The following PAK3 variants were observed in gnomAD, a reference collection of about 807,000 sequenced individuals.
PAK3 encodes the protein p21 (RAC1) activated kinase 3, also known as serine/threonine-protein kinase PAK 3.
A neutral mutation model predicts 41.0 loss-of-function variants in PAK3; 4 were observed. The ratio of observed to expected loss-of-function variants is 0.10; its 90% confidence interval spans 0.05 to 0.22. The LOEUF (loss-of-function observed/expected upper bound fraction) is 0.22, where lower values mean the gene tolerates loss of function less well. Among genes scored for constraint, PAK3 ranks in the 10% least tolerant of loss-of-function variants. The pLI, the probability that PAK3 is intolerant of heterozygous loss-of-function variation, is 1.00. For missense variants in PAK3, 205 were observed against 409.9 expected, an observed-to-expected ratio of 0.50 and a Z score of 4.32; for synonymous variants, 146 against 139.6, an observed-to-expected ratio of 1.05 and a Z score of -0.32.
intron 11 of PAK3, among the ~76,000 whole-genome samples, chrX:111,175,204 C>A (rs944091181): frequency 9.0e-6 from 1 of 111,502 alleles, no homozygotes; most frequent in Non-Finnish European, 1.9e-5. Flanking sequence ...TTAGAAATAG[C>A]ACTCCAAATC....
chrX:111,012,496 G>C (rs2092025516), intron 1 of PAK3, among the ~76,000 whole-genome samples: 1 of 111,724 alleles, frequency 9.0e-6, no homozygotes, highest in Non-Finnish European at 1.9e-5. Flanking sequence ...GCTCAACCTT[G>C]AGAAACAAAA....
chrX:111,009,672 AC>A (rs928127825), intron 1 of PAK3, among the ~76,000 whole-genome samples: 1 of 112,417 alleles, frequency 8.9e-6, no homozygotes, highest in Non-Finnish European at 1.9e-5. Context: ...CCACAACCTC[AC>A]AGAATCTGCT....
chrX:111,122,923 C>G (rs1282982930), intron 4 of PAK3, among the ~76,000 whole-genome samples, 154 bp from the exon 5 acceptor site: 10 of 111,430 alleles, frequency 9.0e-5, no homozygotes, highest in Non-Finnish European at 1.5e-4. Context: ...ACTTCCTTCC[C>G]TCCAGAAGAG....
intron 3 of PAK3, among the ~76,000 whole-genome samples, chrX:111,099,141 C>T (rs1603214746): frequency 8.9e-6 from 1 of 112,595 alleles, no homozygotes; most frequent in African/African-American, 3.2e-5. Context: ...ACCAAATGAA[C>T]CTCCGGGTGT....
chrX:111,225,976 A>G lies in PAK3; in HGVS notation c.*5529A>G, dbSNP rs1569478631. On this transcript the variant is annotated 3_prime_UTR_variant, in exon 18 of 18. Coordinates refer to ENST00000372007, the MANE Select transcript of PAK3 (RefSeq NM_002578.5). Reference sequence around the variant, plus strand: ...CGGATCACCTGAGGTCAGGAGTTCGAGACCAGCCTGACCAACATAGAGAAA... The same window carrying G: ...CGGATCACCTGAGGTCAGGAGTTCGGGACCAGCCTGACCAACATAGAGAAA... 2 of 111,352 alleles carry G rather than the reference A, an allele frequency of 1.8e-5. No homozygotes were observed. The highest frequency in any genetic ancestry group is 9.6e-5 in the Admixed American group (1 of 10,461). The allele number at this position is 111,352 out of a possible 1,213,427, so 9.2% of individuals were successfully genotyped here. A position where few individuals can be genotyped will look rare whatever the true frequency, so the allele number is the denominator to read the frequency against.
chrX:111,083,644 T>C (rs886855738), intron 1 of PAK3, among the ~76,000 whole-genome samples: 3 of 112,446 alleles, frequency 2.7e-5, no homozygotes, highest in African/African-American at 9.7e-5. Context: ...TATTCTTGTT[T>C]GTGTCCTTCC....
At chrX:111,020,032 G>A (rs2092153970) in intron 1 of PAK3, among the ~76,000 whole-genome samples, 1 of 111,840 alleles carries the variant, frequency 8.9e-6, no homozygotes, top group African/African-American at 3.3e-5. Context: ...ATTAAAAATA[G>A]AATTACCATA....
intron 1 of PAK3, among the ~76,000 whole-genome samples, chrX:110,987,747 A>G (rs2091572157): frequency 8.9e-6 from 1 of 111,765 alleles, no homozygotes; most frequent in Admixed American, 9.5e-5. Flanking sequence ...GAATTTGGGT[A>G]TCTGATCTGG....
intron 1 of PAK3, among the ~76,000 whole-genome samples, chrX:111,017,743 G>A (rs1287329305): frequency 6.3e-5 from 7 of 111,482 alleles, no homozygotes; most frequent in African/African-American, 2.3e-4. Context: ...ACTCTATGAA[G>A]CCAGCATTAC....
chrX:111,215,412 GC>G (rs2094868265), intron 16 of PAK3, among the ~76,000 whole-genome samples: 1 of 110,946 alleles, frequency 9.0e-6, no homozygotes, highest in Non-Finnish European at 1.9e-5. Context: ...GGTGACGCGT[GC>G]CTGTAATCCC....
intron 3 of PAK3, among the ~76,000 whole-genome samples, chrX:111,100,118 G>T (rs928065305): frequency 7.2e-5 from 8 of 110,705 alleles, no homozygotes; most frequent in East Asian, 2.9e-4. Context: ...GCCCCTGAAA[G>T]GTTCTGTGTG....
intron 1 of PAK3, among the ~76,000 whole-genome samples, chrX:110,974,018 C>T (rs1016105479): frequency 8.9e-6 from 1 of 111,906 alleles, no homozygotes; most frequent in Non-Finnish European, 1.9e-5. Flanking sequence ...AGCTAACTAT[C>T]CTAAATATAT....
In PAK3 at chrX:110,953,257, G is replaced by A. The variant is rs772081157; in HGVS notation, c.-28+8629G>A. 3.6e-5 allele frequency among the ~76,000 whole-genome samples: 4 copies of A among 111,710 alleles called. No individual in the cohort carries two copies. In the South Asian group the frequency reaches 1.5e-3, roughly 43 times the overall value. On this transcript the variant is annotated intron_variant, in intron 1 of 14. Coordinates refer to the PAK3 transcript ENST00000425146. ...GTAAATGGAGCTTACATTAAATTGG[G>A]AGGCAGAAGTCCAGGGTTCGAGTTC...
At chrX:111,217,642 C>A in intron 17 of PAK3, 1 of 934,107 alleles carries the variant, frequency 1.1e-6, no homozygotes, top group South Asian at 2.3e-5. Context: ...GAGACTACAT[C>A]TTTTCTTTTC....
At chrX:111,172,173 T>G (rs1044128150) in intron 10 of PAK3, among the ~76,000 whole-genome samples, 1 of 111,465 alleles carries the variant, frequency 9.0e-6, no homozygotes, top group Admixed American at 9.5e-5. Flanking sequence ...TATACCAATT[T>G]ATGTACCCAC....
Position 111,223,581 on chromosome X carries a change from A to G in PAK3, c.*3134A>G, listed in dbSNP as rs991947101. On this transcript the variant is annotated 3_prime_UTR_variant, in exon 18 of 18. Coordinates refer to ENST00000372007, the MANE Select transcript of PAK3 (RefSeq NM_002578.5). ...TTTCAGGCTTGTGAACTGCACCCCAATGTTTGAGTTTAACCACCTGATCCT... is the reference window on the plus strand; with the variant it reads ...TTTCAGGCTTGTGAACTGCACCCCAGTGTTTGAGTTTAACCACCTGATCCT... 5 of 110,365 alleles carry G rather than the reference A, an allele frequency of 4.5e-5. No homozygotes were observed. Among genetic ancestry groups the G allele is most frequent in the African/African-American group, 1.7e-4 (5 of 30,248 alleles). 9.1% of individuals were successfully genotyped at this position (110,365 alleles called of 1,213,427 possible).
At chrX:111,118,785 ATAGT>A (rs1444228555) in intron 4 of PAK3, among the ~76,000 whole-genome samples, 2 of 112,136 alleles carry the variant, frequency 1.8e-5, no homozygotes, top group Non-Finnish European at 3.8e-5. Flanking sequence ...ATGAAAATAA[ATAGT>A]TATGTCTATT....
chrX:111,077,865 A>C (rs1293281359), intron 1 of PAK3, among the ~76,000 whole-genome samples: 3 of 111,990 alleles, frequency 2.7e-5, no homozygotes, highest in African/African-American at 9.7e-5. Context: ...CAGTGACGAG[A>C]CACCCTATGG....
chrX:111,035,771 G>A (rs760399125), intron 1 of PAK3, among the ~76,000 whole-genome samples: 1 of 112,047 alleles, frequency 8.9e-6, no homozygotes, highest in African/African-American at 3.2e-5. Context: ...CAGCCCTTGA[G>A]GGAAGTATTA....
Sources: gnomAD v4.1 joint callset for allele counts (sites outside exome capture counted in the v4.1 genomes callset) on GRCh38, gnomAD v4.1.1 for gene constraint, MANE v1.5 for transcripts, NCBI Gene and HGNC (gene_info 2026-07-23, HGNC 2026-07-21) for gene names.